The following KIAA2012 variants were observed in gnomAD, a reference collection of about 807,000 sequenced individuals.
The protein encoded by KIAA2012 is uncharacterized protein KIAA2012.
KIAA2012 carries 125 observed loss-of-function variants against 150.6 expected under a neutral mutation model. That is an observed-to-expected ratio of 0.83 (90% CI 0.72 to 0.96). The LOEUF (loss-of-function observed/expected upper bound fraction) is 0.96. Ranked by LOEUF, KIAA2012 falls within the 40% of genes least tolerant of loss-of-function variation. The pLI is 0.00. For missense variants in KIAA2012, 1,219 were observed against 1,354.9 expected, an observed-to-expected ratio of 0.90 and a Z score of 1.57; for synonymous variants, 462 against 504.7, an observed-to-expected ratio of 0.92 and a Z score of 1.13.
At chr2:202,090,651 C>T (rs1052437915) in intron 2 of KIAA2012, 119 bp from the exon 3 acceptor site, 2 of 1,183,892 alleles carry the variant, frequency 1.7e-6, no homozygotes, top group African/African-American at 1.6e-5. Context: ...GTTTTTGGTG[C>T]CTTCTGGCAC....
At chr2:202,170,235 A>G (rs1177166820) in intron 15 of KIAA2012, among the ~76,000 whole-genome samples, 2 of 152,232 alleles carry the variant, frequency 1.3e-5, no homozygotes, top group Non-Finnish European at 2.9e-5. Context: ...CTGCTTTGCC[A>G]CGGTTCTCTG....
intron 11 of KIAA2012, among the ~76,000 whole-genome samples, chr2:202,119,531 C>A (rs1690609518): frequency 6.6e-6 from 1 of 152,158 alleles, no homozygotes; most frequent in African/African-American, 2.4e-5. Flanking sequence ...TTTAATCAGA[C>A]TTTCTGAGGA....
At position 202,196,889 on chromosome 2, in the gene KIAA2012, G is replaced by A; in HGVS notation, c.3277G>A (p.Glu1093Lys). The change falls in exon 22 of 24, where the codon GAG (glutamate) becomes AAG (lysine). Residue 1093 changes from glutamate (E) to lysine (K), a missense_variant. Glu to Lys is a moderately conservative substitution (Grantham distance 56). Coordinates refer to ENST00000498697, the MANE Select transcript of KIAA2012 (RefSeq NM_001277372.4). ...GGAAATGGCTGAAGAGGAACGACTG[G>A]AGTACCAGCGGCGGAAACAGGAAGC... is the stretch of plus-strand genomic sequence containing the variant. ...LMEMAEEERL[E>K]YQRRKQEAEE... The A allele has an allele frequency of 1.3e-6, 2 of 1,550,760 alleles. No homozygotes were observed. Among genetic ancestry groups the A allele is most frequent in the Non-Finnish European group, 1.7e-6 (2 of 1,147,016 alleles).
At chr2:202,151,311 T>G (rs1044302767) in intron 13 of KIAA2012, among the ~76,000 whole-genome samples, 2 of 152,026 alleles carry the variant, frequency 1.3e-5, no homozygotes, top group Non-Finnish European at 2.9e-5. Context: ...GGAGGAGAAT[T>G]GCTTGAATCA....
intron 7 of KIAA2012, among the ~76,000 whole-genome samples, chr2:202,101,346 T>C (rs1165936997): frequency 1.3e-5 from 2 of 152,234 alleles, no homozygotes; most frequent in African/African-American, 4.8e-5. Flanking sequence ...TGAGTTGATC[T>C]AAACCTTTCC....
At chr2:202,200,925 C>A (rs1289348959) in intron 22 of KIAA2012, among the ~76,000 whole-genome samples, 1 of 151,972 alleles carries the variant, frequency 6.6e-6, no homozygotes, top group Non-Finnish European at 1.5e-5. Context: ...AGGCTTGTCT[C>A]GAACTCCCGA....
chr2:202,163,444 ACT>A (rs1377944404), intron 14 of KIAA2012, among the ~76,000 whole-genome samples: 1 of 152,040 alleles, frequency 6.6e-6, no homozygotes, highest in East Asian at 1.9e-4. Flanking sequence ...TTCTTTTGAC[ACT>A]CTTCTAAGCA....
At chr2:202,139,027 A>C (rs1383750366) in intron 13 of KIAA2012, among the ~76,000 whole-genome samples, 1 of 152,086 alleles carries the variant, frequency 6.6e-6, no homozygotes, top group African/African-American at 2.4e-5. Context: ...ACCTGAGGTC[A>C]GGAGTTCGAG....
chr2:202,190,134 T>C (rs757692460), intron 18 of KIAA2012, 40 bp from the exon 19 acceptor site: 8 of 1,452,252 alleles, frequency 5.5e-6, no homozygotes, highest in Non-Finnish European at 6.4e-6. Context: ...CACATTAAGT[T>C]AACTCAGCTA....
chr2:202,145,950 G>T (rs1691286768), intron 13 of KIAA2012, among the ~76,000 whole-genome samples: 1 of 152,004 alleles, frequency 6.6e-6, no homozygotes, highest in African/African-American at 2.4e-5. Context: ...CTCCCAAAGT[G>T]CTGGGATTAC....
At chr2:202,085,564 C>T (rs1689546941) in intron 2 of KIAA2012, among the ~76,000 whole-genome samples, 1 of 152,134 alleles carries the variant, frequency 6.6e-6, no homozygotes, top group South Asian at 2.1e-4. Flanking sequence ...AGATTCTTCC[C>T]TAGAGCCTAT....
intron 11 of KIAA2012, among the ~76,000 whole-genome samples, chr2:202,117,501 T>C (rs951549485): frequency 6.6e-6 from 1 of 152,176 alleles, no homozygotes; most frequent in African/African-American, 2.4e-5. Context: ...TGCCGAGAGA[T>C]GTAAGGGAGG....
chr2:202,086,174 A>AAAG, intron 2 of KIAA2012, among the ~76,000 whole-genome samples: 1 of 150,518 alleles, frequency 6.6e-6, no homozygotes, highest in South Asian at 2.1e-4. Flanking sequence ...TCTCAAAAAA[A>AAAG]AAAAAAAAAA....
intron 14 of KIAA2012, among the ~76,000 whole-genome samples, chr2:202,164,329 T>C (rs1372076268): frequency 6.6e-6 from 1 of 152,204 alleles, no homozygotes; most frequent in African/African-American, 2.4e-5. Context: ...AGACTCACCC[T>C]AGAAGCCTTA....
chr2:202,082,381 T>G (rs1321035768), intron 2 of KIAA2012, among the ~76,000 whole-genome samples: 1 of 152,072 alleles, frequency 6.6e-6, no homozygotes, highest in Non-Finnish European at 1.5e-5. Context: ...AGAGAGATAT[T>G]CTGGATATTA....
At chr2:202,179,649 A>C in intron 15 of KIAA2012, 2 of 658,950 alleles carry the variant, frequency 3.0e-6, no homozygotes, top group South Asian at 2.7e-5. Flanking sequence ...CTGTAATGCA[A>C]GAATATACTC....
chr2:202,121,612 G>A (rs561235684), intron 11 of KIAA2012, among the ~76,000 whole-genome samples: 3 of 152,264 alleles, frequency 2.0e-5, no homozygotes, highest in African/African-American at 7.2e-5. Context: ...CCTAGGAAGT[G>A]AGTATTTTCA....
intron 2 of KIAA2012, among the ~76,000 whole-genome samples, chr2:202,078,800 G>T (rs1457417574): frequency 6.6e-6 from 1 of 152,174 alleles, no homozygotes; most frequent in African/African-American, 2.4e-5. Flanking sequence ...GAGAACTCGA[G>T]TGACTCACTC....
chr2:202,204,812 C>T (rs544580366), intron 23 of KIAA2012, among the ~76,000 whole-genome samples, 186 bp from the exon 24 acceptor site: 5 of 152,206 alleles, frequency 3.3e-5, no homozygotes, highest in South Asian at 2.1e-4. Context: ...GTCATATAAA[C>T]GTTTTCTCAA....
Sources: allele counts gnomAD v4.1 joint callset (sites outside exome capture counted in the v4.1 genomes callset), GRCh38; gene constraint gnomAD v4.1.1; transcripts MANE v1.5; gene names NCBI Gene and HGNC (gene_info 2026-07-23, HGNC 2026-07-21).